The following SMS variants were observed in gnomAD, a reference collection of about 807,000 sequenced individuals.
The protein encoded by SMS is spermine synthase.
In SMS, 3 loss-of-function variants were observed where a neutral mutation model predicts 33.0. The ratio of observed to expected loss-of-function variants is 0.09; its 90% confidence interval spans 0.04 to 0.23. SMS has a LOEUF of 0.23. Among genes scored for constraint, SMS ranks in the 10% least tolerant of loss-of-function variants. The pLI is 1.00. For missense variants in SMS, 117 were observed against 288.6 expected, an observed-to-expected ratio of 0.41 and a Z score of 4.31; for synonymous variants, 103 against 112.2, an observed-to-expected ratio of 0.92 and a Z score of 0.52.
At chrX:21,970,538 G>A (rs1336214423) in intron 2 of SMS, among the ~76,000 whole-genome samples, 2 of 110,745 alleles carry the variant, frequency 1.8e-5, no homozygotes, top group Non-Finnish European at 3.8e-5. Flanking sequence ...TCACTTAAGG[G>A]CTGAAGGTGA....
chrX:21,984,186 G>T (rs1365541780), intron 7 of SMS, 118 bp from the exon 8 acceptor site: 2 of 562,073 alleles, frequency 3.6e-6, no homozygotes, highest in Non-Finnish European at 6.4e-6. Flanking sequence ...CAGTTGCTGT[G>T]GATAGCTGTG....
At chrX:21,989,677 C>A (rs1409000623) in intron 9 of SMS, among the ~76,000 whole-genome samples, 3 of 110,699 alleles carry the variant, frequency 2.7e-5, no homozygotes, top group African/African-American at 9.9e-5. Context: ...CCAGATCTAC[C>A]CTTTGCTTTC....
chrX:21,944,521 A>AC (rs1569339615), intron 1 of SMS, among the ~76,000 whole-genome samples: 1 of 67,322 alleles, frequency 1.5e-5, no homozygotes, highest in Non-Finnish European at 2.6e-5. Flanking sequence ...ACCTGTCTCT[A>AC]CAAAAAAAAA....
chrX:21,993,349 T>C (rs1925881571), intron 10 of SMS, among the ~76,000 whole-genome samples: 1 of 112,809 alleles, frequency 8.9e-6, no homozygotes, highest in South Asian at 3.6e-4. Flanking sequence ...TTAGTTCCGC[T>C]TAGTAAAGTT....
intron 4 of SMS, among the ~76,000 whole-genome samples, chrX:21,972,963 C>T (rs1261039572): frequency 4.6e-5 from 5 of 108,252 alleles, no homozygotes; most frequent in Non-Finnish European, 9.6e-5. Flanking sequence ...GTGTGGTCCC[C>T]AGTAGTGTCT....
intron 1 of SMS, among the ~76,000 whole-genome samples, chrX:21,944,832 G>T (rs1340919666): frequency 9.0e-6 from 1 of 110,779 alleles, no homozygotes; most frequent in African/African-American, 3.3e-5. Context: ...ACAAAAATCA[G>T]CCGGGTGTTG....
intron 10 of SMS, among the ~76,000 whole-genome samples, chrX:21,994,072 A>G (rs1925935296): frequency 9.1e-6 from 1 of 110,197 alleles, no homozygotes; most frequent in Non-Finnish European, 1.9e-5. Flanking sequence ...ACCTGAGAGA[A>G]TATTTGTGTT....
At chrX:21,950,161 C>T (rs1922505142) in intron 1 of SMS, among the ~76,000 whole-genome samples, 1 of 111,598 alleles carries the variant, frequency 9.0e-6, no homozygotes, top group African/African-American at 3.3e-5. Flanking sequence ...CCTGAGACTC[C>T]TGAGTCACTA....
chrX:21,992,424 G>A (rs1480624698), intron 9 of SMS, among the ~76,000 whole-genome samples, 173 bp from the exon 10 acceptor site: 1 of 112,330 alleles, frequency 8.9e-6, no homozygotes, highest in Non-Finnish European at 1.9e-5. Context: ...GAGCTCTAAT[G>A]GGTCTATAAA....
At chrX:21,957,138 A>G (rs1442587222) in intron 1 of SMS, among the ~76,000 whole-genome samples, 3 of 97,044 alleles carry the variant, frequency 3.1e-5, no homozygotes, top group Non-Finnish European at 6.0e-5. Context: ...GTGGAGGAGG[A>G]GGAGAAACCA....
chrX:21,965,061 T>C (rs771127125), intron 1 of SMS, among the ~76,000 whole-genome samples: 1 of 111,554 alleles, frequency 9.0e-6, no homozygotes, highest in Admixed American at 9.5e-5. Context: ...CTCCGTCTTA[T>C]GTCACCTGCC....
chrX:21,967,453 T>C, intron 2 of SMS, 137 bp downstream of exon 2: 1 of 640,029 alleles, frequency 1.6e-6, no homozygotes, highest in South Asian at 2.4e-5. Context: ...AACTTGGTGC[T>C]TCTCAACCGT....
At chrX:21,945,429 A>G (rs1922145020) in intron 1 of SMS, among the ~76,000 whole-genome samples, 1 of 111,779 alleles carries the variant, frequency 8.9e-6, no homozygotes, top group Non-Finnish European at 1.9e-5. Flanking sequence ...AACCTTGTTT[A>G]ATAATTTAAG....
chrX:21,954,876 G>T (rs7061670), intron 1 of SMS, among the ~76,000 whole-genome samples: 255 of 110,774 alleles, frequency 2.3e-3, no homozygotes, highest in African/African-American at 7.8e-3. Flanking sequence ...TTGCTCTGTT[G>T]CCCAGGATGA....
At chrX:21,962,376 C>T (rs1054908081) in intron 1 of SMS, among the ~76,000 whole-genome samples, 9 of 112,220 alleles carry the variant, frequency 8.0e-5, no homozygotes, top group African/African-American at 2.6e-4. Flanking sequence ...ACAGGTTACC[C>T]ATGGCTTCAG....
chrX:21,948,497 T>C (rs1169202650), intron 1 of SMS, among the ~76,000 whole-genome samples: 1 of 103,353 alleles, frequency 9.7e-6, no homozygotes. Flanking sequence ...GAGTTACCAA[T>C]TGGGAATCTT....
At chrX:21,944,202 C>T (rs1293717647) in intron 1 of SMS, among the ~76,000 whole-genome samples, 1 of 111,127 alleles carries the variant, frequency 9.0e-6, no homozygotes, top group East Asian at 2.8e-4. Flanking sequence ...TTTAAAAAAA[C>T]AACTCATCTG....
chrX:21,985,901 G>A (rs1206994357), intron 9 of SMS, among the ~76,000 whole-genome samples: 1 of 111,242 alleles, frequency 9.0e-6, no homozygotes, highest in Non-Finnish European at 1.9e-5. Flanking sequence ...GTGCATGCCT[G>A]TAGTCCTAAC....
chrX:21,994,433 G>A lies in SMS; in HGVS notation c.*82G>A. 1 of 1,176,374 alleles carries A rather than the reference G, an allele frequency of 8.5e-7. No homozygotes were observed. The highest frequency in any genetic ancestry group is 1.1e-6 in the Non-Finnish European group (1 of 876,775). On this transcript the variant is annotated 3_prime_UTR_variant, in exon 11 of 11. Coordinates refer to ENST00000404933, the MANE Select transcript of SMS (RefSeq NM_004595.5). ...TGTACATGACATCAAAATGAGTCAG[G>A]CAATTGATTGTGAATTCCTTAAAGT...
Sources: gnomAD v4.1 joint callset for allele counts (sites outside exome capture counted in the v4.1 genomes callset) on GRCh38, gnomAD v4.1.1 for gene constraint, MANE v1.5 for transcripts, NCBI Gene and HGNC (gene_info 2026-07-23, HGNC 2026-07-21) for gene names.